SYTL5: variants seen among roughly 807,000 people sequenced by gnomAD.
SYTL5 encodes synaptotagmin-like protein 5.
A neutral mutation model predicts 55.9 loss-of-function variants in SYTL5; 34 were observed. That is an observed-to-expected ratio of 0.61 (90% CI 0.46 to 0.81). SYTL5 has a LOEUF of 0.81. SYTL5 is among the 30% of genes least tolerant of loss of function. SYTL5 has a pLI of 0.00. For missense variants in SYTL5, 637 were observed against 546.7 expected (o/e 1.17, Z -1.65); for synonymous variants, 221 against 188.7 (o/e 1.17, Z -1.40).
chrX:37,953,990 G>A, the SYTL5 span, among the ~76,000 whole-genome samples: 1 of 111,815 alleles, frequency 8.9e-6, no homozygotes, highest in African/African-American at 3.2e-5. Flanking sequence ...AGATATTCAA[G>A]TTAAAGAAAA....
chrX:37,964,787 G>A, the SYTL5 span, among the ~76,000 whole-genome samples: 6 of 110,160 alleles, frequency 5.4e-5, no homozygotes, highest in Middle Eastern at 4.2e-3. Flanking sequence ...ATATATATAT[G>A]TTATGATTTT....
At chrX:37,943,556 C>T in the SYTL5 span, among the ~76,000 whole-genome samples, 6 of 111,127 alleles carry the variant, frequency 5.4e-5, no homozygotes, top group African/African-American at 2.0e-4. Flanking sequence ...TGAAGGCTGG[C>T]CAGGGTGATT....
At chrX:37,903,538 T>C in the SYTL5 span, among the ~76,000 whole-genome samples, 16 of 74,683 alleles carry the variant, frequency 2.1e-4, no homozygotes, top group Non-Finnish European at 2.9e-4. Context: ...CATCACACAC[T>C]GGGGCCTGTT....
chrX:38,094,066 A>G (rs890683385), intron 7 of SYTL5, among the ~76,000 whole-genome samples: 1 of 111,169 alleles, frequency 9.0e-6, no homozygotes, highest in Non-Finnish European at 1.9e-5. Flanking sequence ...TTGTCCGGAT[A>G]CCTTTTGCAC....
At chrX:37,930,090 T>C in the SYTL5 span, among the ~76,000 whole-genome samples, 2 of 111,655 alleles carry the variant, frequency 1.8e-5, no homozygotes, top group African/African-American at 3.3e-5. Flanking sequence ...AGGGCACCTA[T>C]TAGGGCCTTA....
At chrX:37,978,475 A>G in the SYTL5 span, among the ~76,000 whole-genome samples, 1 of 112,301 alleles carries the variant, frequency 8.9e-6, no homozygotes, top group African/African-American at 3.2e-5. Context: ...CTTTTCCCAG[A>G]TCAACTTATG....
chrX:38,043,905 A>G (rs942295745), intron 2 of SYTL5, among the ~76,000 whole-genome samples: 1 of 108,440 alleles, frequency 9.2e-6, no homozygotes, highest in African/African-American at 3.3e-5. Flanking sequence ...CGTGTTTCTT[A>G]ACTATTTATT....
At chrX:38,058,472 C>T (rs755233059) in intron 3 of SYTL5, among the ~76,000 whole-genome samples, 2 of 110,364 alleles carry the variant, frequency 1.8e-5, no homozygotes, top group Non-Finnish European at 3.8e-5. Context: ...TAAAGGGTAC[C>T]CTTTAGTATT....
chrX:38,020,246 A>AT (rs1007439334), intron 1 of SYTL5, among the ~76,000 whole-genome samples: 1 of 109,132 alleles, frequency 9.2e-6, no homozygotes, highest in Non-Finnish European at 1.9e-5. Flanking sequence ...CATTTGCTGT[A>AT]TTTTTTTAAC....
At chrX:38,013,872 G>T (rs996795958) in intron 1 of SYTL5, among the ~76,000 whole-genome samples, 2 of 109,636 alleles carry the variant, frequency 1.8e-5, no homozygotes, top group African/African-American at 6.7e-5. Context: ...AGATCTACTG[G>T]CCCCCTCAGT....
chrX:38,124,408 G>A (rs185122824), intron 15 of SYTL5, among the ~76,000 whole-genome samples: 1 of 111,698 alleles, frequency 9.0e-6, no homozygotes, highest in East Asian at 2.8e-4. Flanking sequence ...CTTCTTTATT[G>A]TAAAGTCATT....
intron 9 of SYTL5, among the ~76,000 whole-genome samples, chrX:38,098,906 A>G (rs1473827246): frequency 9.0e-6 from 1 of 111,036 alleles, no homozygotes; most frequent in Non-Finnish European, 1.9e-5. Flanking sequence ...AAACCAGGCA[A>G]AACTACATAT....
At chrX:38,012,515 G>C (rs1414576029) in intron 1 of SYTL5, among the ~76,000 whole-genome samples, 1 of 111,538 alleles carries the variant, frequency 9.0e-6, no homozygotes, top group East Asian at 2.8e-4. Context: ...TGATGTTCCA[G>C]GTTCAAATAT....
intron 12 of SYTL5, among the ~76,000 whole-genome samples, chrX:38,109,833 T>A (rs1937314022): frequency 9.0e-6 from 1 of 111,267 alleles, no homozygotes; most frequent in African/African-American, 3.3e-5. Context: ...ATGTACACCT[T>A]TTCACCTCTG....
At chrX:37,943,025 T>C in the SYTL5 span, among the ~76,000 whole-genome samples, 1 of 112,006 alleles carries the variant, frequency 8.9e-6, no homozygotes, top group Non-Finnish European at 1.9e-5. Flanking sequence ...CATTTCTCTA[T>C]GAACAAGTCA....
At chrX:38,126,414 A>T (rs1368146933) in intron 16 of SYTL5, among the ~76,000 whole-genome samples, 174 bp from the exon 17 acceptor site, 1 of 112,299 alleles carries the variant, frequency 8.9e-6, no homozygotes, top group Admixed American at 9.4e-5. Flanking sequence ...AGAATAGTGC[A>T]GGCTGAAATG....
At chrX:38,044,816 C>A (rs1298354016) in intron 2 of SYTL5, among the ~76,000 whole-genome samples, 4 of 111,645 alleles carry the variant, frequency 3.6e-5, no homozygotes, top group African/African-American at 9.7e-5. Context: ...AAAACACATT[C>A]TTGTTTCTTA....
intron 1 of SYTL5, among the ~76,000 whole-genome samples, chrX:38,014,265 A>T (rs767714801): frequency 1.1e-4 from 12 of 112,124 alleles, no homozygotes; most frequent in Non-Finnish European, 2.1e-4. Flanking sequence ...ATATGTATGT[A>T]TATTTAATTC....
chrX:37,989,462 A>G, the SYTL5 span, among the ~76,000 whole-genome samples: 1 of 112,126 alleles, frequency 8.9e-6, no homozygotes, highest in African/African-American at 3.2e-5. Flanking sequence ...CATTCAAAAT[A>G]AAGGAACAAT....
Sources: allele counts gnomAD v4.1 joint callset (sites outside exome capture counted in the v4.1 genomes callset), GRCh38; gene constraint gnomAD v4.1.1; transcripts MANE v1.5; gene names NCBI Gene and HGNC (gene_info 2026-07-23, HGNC 2026-07-21).